The following CELSR1 variants were observed in gnomAD, a reference collection of about 807,000 sequenced individuals.
CELSR1 encodes the protein adhesion G protein-coupled receptor C1.
Under a neutral mutation model 249.1 loss-of-function variants are expected in CELSR1, and 110 were observed. The observed-to-expected ratio is 0.44, with a 90% CI of 0.38 to 0.52. The LOEUF (loss-of-function observed/expected upper bound fraction) is 0.52, where lower values mean the gene tolerates loss of function less well. Ranked by LOEUF, CELSR1 falls within the 20% of genes least tolerant of loss-of-function variation. The pLI is 0.00. For synonymous variants in CELSR1, 2,113 were observed against 1,900.0 expected, an observed-to-expected ratio of 1.11 and a Z score of -2.92; for missense variants, 4,109 against 4,296.4, an observed-to-expected ratio of 0.96 and a Z score of 1.22.
In CELSR1 at chr22:46,534,087, T is replaced by G. The variant is rs1247570030; in HGVS notation, c.3084A>C (p.Glu1028Asp). The G allele has an allele frequency of 1.9e-6, 3 of 1,613,744 alleles. No individual in the cohort carries two copies. The highest frequency in any genetic ancestry group is 2.5e-6 in the Non-Finnish European group (3 of 1,180,034). Residue 1028 changes from glutamate to aspartate, a missense_variant, in exon 1 of 35, where the codon GAA becomes GAC. Transcript: ENST00000674500. This position sits in a 1 kb window ranked among gnomAD's most constrained non-coding sequence, Gnocchi z 9.7. ...GATACATGATCTGGGCATTAGGGCC[T>G]TCATCAGGGTCGTTAGCACGAATCT... ...VAKIRANDPD[E>D]GPNAQIMYQI...
intron 1 of CELSR1, among the ~76,000 whole-genome samples, chr22:46,513,231 G>A (rs977866530): frequency 1.3e-5 from 2 of 152,156 alleles, no homozygotes; most frequent in East Asian, 1.9e-4. Flanking sequence ...AAGGAAAGGC[G>A]GTATCCAACT....
In CELSR1 at chr22:46,536,621, G is replaced by A. The variant is rs1262421641; in HGVS notation, c.550C>T (p.Leu184=). 3 of 1,172,532 alleles carry A rather than the reference G, an allele frequency of 2.6e-6. No individual in the cohort carries two copies. The highest frequency in any genetic ancestry group is 2.1e-6 in the Non-Finnish European group (2 of 952,076). 72.6% of individuals were successfully genotyped at this position (1,172,532 alleles called of 1,614,324 possible). A position where few individuals can be genotyped will look rare whatever the true frequency, so the allele number is the denominator to read the frequency against. Residue 184 remains leucine (L), a synonymous_variant, in exon 1 of 35, where the codon CTG becomes TTG. Coordinates refer to ENST00000674500, the MANE Select transcript of CELSR1 (RefSeq NM_001378328.1). ...PPGGSVRLRL[L]CALRRAAGAV... ...CCAGCCGCGCGCCGCAGGGCGCACAGCAGACGCAGGCGGACCGAGCCGCCC... is the reference window on the plus strand; with the variant it reads ...CCAGCCGCGCGCCGCAGGGCGCACAACAGACGCAGGCGGACCGAGCCGCCC...
chr22:46,529,413 C>T (rs2080770282), intron 1 of CELSR1, among the ~76,000 whole-genome samples: 1 of 152,002 alleles, frequency 6.6e-6, no homozygotes, highest in South Asian at 2.1e-4. Flanking sequence ...AGCAATTGAA[C>T]TCATGGGGAC....
chr22:46,475,343 T>A (rs1015289134), intron 1 of CELSR1, among the ~76,000 whole-genome samples: 2 of 152,004 alleles, frequency 1.3e-5, no homozygotes, highest in African/African-American at 4.8e-5. Context: ...CTTGAAGACA[T>A]CACACTGAGT....
chr22:46,381,234 A>G lies in CELSR1; in HGVS notation c.7089-279T>C, dbSNP rs2078974654. ...CACAGGTGCAAAGATGTCACAGCCC[A>G]TAATAGCTAATGGCAGAATCACAGG... is the stretch of plus-strand genomic sequence containing the variant. On this transcript the variant is annotated intron_variant, in intron 21 of 34. Transcript: ENST00000674500. This position sits in a 1 kb window ranked among gnomAD's most constrained non-coding sequence, Gnocchi z 6.0. 6.6e-6 allele frequency among the ~76,000 whole-genome samples: 1 copy of G among 152,210 alleles called. No individual in the cohort carries two copies. Among genetic ancestry groups the G allele is most frequent in the Admixed American group, 6.5e-5 (1 of 15,282 alleles).
intron 5 of CELSR1, among the ~76,000 whole-genome samples, chr22:46,420,159 C>A (rs1569150522): frequency 6.6e-6 from 1 of 151,932 alleles, no homozygotes; most frequent in Non-Finnish European, 1.5e-5. Flanking sequence ...AATGTGCCCT[C>A]ACCCACACGT....
Position 46,384,699 on chromosome 22 carries a change from T to A in CELSR1, c.6740-13A>T, listed in dbSNP as rs1279660035. On this transcript the variant is annotated splice_polypyrimidine_tract_variant and intron_variant, in intron 19 of 34. Coordinates refer to ENST00000674500, the MANE Select transcript of CELSR1 (RefSeq NM_001378328.1). The stretch of plus-strand genomic sequence containing the variant: ...TCGACAGCAAGAACTGGGGGGACAG[T>A]TCCTTTAATCAGACATAACTCCCAG... 6.2e-7 allele frequency: 1 copy of A among 1,609,148 alleles called. No homozygotes were observed. Among genetic ancestry groups the A allele is most frequent in the South Asian group, 1.1e-5 (1 of 90,060 alleles).
chr22:46,490,101 C>T lies in CELSR1; in HGVS notation c.3545-25756G>A, dbSNP rs770119920. Among the ~76,000 whole-genome samples the T allele has an allele frequency of 2.0e-5, 3 of 152,134 alleles. No homozygotes were observed. The highest frequency in any genetic ancestry group is 7.2e-5 in the African/African-American group (3 of 41,418). ...CAGTGAGCCGCTTTCTGAGAACCAA[C>T]GTTCCCAAGTGCAAAGTGTACACAT... On this transcript the variant is annotated intron_variant, in intron 1 of 34. Transcript: ENST00000674500. This position sits in a 1 kb window ranked among gnomAD's most constrained non-coding sequence, Gnocchi z 5.2.
At chr22:46,424,098 A>C (rs963389428) in intron 5 of CELSR1, among the ~76,000 whole-genome samples, 2 of 151,842 alleles carry the variant, frequency 1.3e-5, no homozygotes, top group African/African-American at 4.8e-5. Context: ...CAAGAGTCTC[A>C]CTCTTTCGCC....
chr22:46,415,786 C>A (rs1363102663), intron 5 of CELSR1, among the ~76,000 whole-genome samples: 2 of 152,156 alleles, frequency 1.3e-5, no homozygotes, highest in African/African-American at 2.4e-5. Flanking sequence ...TGATAAAACG[C>A]AGTCAGAGAG....
At chr22:46,522,445 T>C (rs1283321802) in intron 1 of CELSR1, among the ~76,000 whole-genome samples, 7 of 152,162 alleles carry the variant, frequency 4.6e-5, no homozygotes, top group African/African-American at 1.7e-4. Flanking sequence ...CTAATGACTC[T>C]GAGCATCTTT....
chr22:46,449,033 C>T (rs1434816231), intron 2 of CELSR1, among the ~76,000 whole-genome samples: 1 of 151,850 alleles, frequency 6.6e-6, no homozygotes, highest in Non-Finnish European at 1.5e-5. Context: ...CTTCCATATA[C>T]CCACCCACTC....
At chr22:46,479,500 G>T (rs2080244729) in intron 1 of CELSR1, among the ~76,000 whole-genome samples, 2 of 151,964 alleles carry the variant, frequency 1.3e-5, no homozygotes, top group African/African-American at 4.8e-5. Context: ...CTGCAGCCAT[G>T]TCCCCCACAA....
chr22:46,416,312 C>A (rs918706132), intron 5 of CELSR1, among the ~76,000 whole-genome samples: 1 of 152,242 alleles, frequency 6.6e-6, no homozygotes. Flanking sequence ...GAGGCCCCAG[C>A]GCCCCGGCAC....
chr22:46,457,647 G>A (rs989569061), intron 2 of CELSR1, among the ~76,000 whole-genome samples: 1 of 152,258 alleles, frequency 6.6e-6, no homozygotes, highest in Non-Finnish European at 1.5e-5. Flanking sequence ...CGCGGACAGA[G>A]ATGAGGAAGG....
At chr22:46,443,194 G>A (rs11703616) in intron 2 of CELSR1, among the ~76,000 whole-genome samples, 2,875 of 152,236 alleles carry the variant, frequency 0.019, 38 homozygotes, top group Non-Finnish European at 0.029. Context: ...GGCTGAAATC[G>A]CTGACGTTTT....
rs887879664 is a variant in CELSR1 at position 46,490,476 on chromosome 22, G to A, written c.3545-26131C>T. On this transcript the variant is annotated intron_variant, in intron 1 of 34. Coordinates refer to ENST00000674500, the MANE Select transcript of CELSR1 (RefSeq NM_001378328.1). This position sits in a 1 kb window ranked among gnomAD's most constrained non-coding sequence, Gnocchi z 5.2. ...TAATTTTTGTATTTTTAGTAGAGAC[G>A]GGGTTTCACCATGTTGGTCAGGCTG... is the stretch of plus-strand genomic sequence containing the variant. Among the ~76,000 whole-genome samples the A allele has an allele frequency of 5.9e-5, 9 of 151,904 alleles. No homozygotes were observed. The highest frequency in any genetic ancestry group is 1.9e-4 in the African/African-American group (8 of 41,340).
intron 2 of CELSR1, among the ~76,000 whole-genome samples, chr22:46,462,321 AG>A (rs1166077864): frequency 6.6e-6 from 1 of 152,210 alleles, no homozygotes; most frequent in African/African-American, 2.4e-5. Flanking sequence ...CCTGGAGCGC[AG>A]GAAGTCAGAG....
Position 46,367,074 on chromosome 22 carries a change from G to A in CELSR1, c.8124C>T (p.Val2708=), listed in dbSNP as rs1435573138. The A allele has an allele frequency of 1.9e-6, 3 of 1,611,522 alleles. No homozygotes were observed. The highest frequency in any genetic ancestry group is 2.5e-6 in the Non-Finnish European group (3 of 1,179,736). ...LLFHCVLNQE[V]RKHLKGVLGG... ...CGAGCACGCCCTTCAGGTGCTTCCG[G>A]ACCTCCTGGTTGAGCACGCAGTGGA... Residue 2708 remains valine (V), a synonymous_variant, in exon 29 of 35, where the codon GTC becomes GTT. Transcript: ENST00000674500.
Sources: allele counts gnomAD v4.1 joint callset (sites outside exome capture counted in the v4.1 genomes callset), GRCh38; gene constraint gnomAD v4.1.1; non-coding constraint Gnocchi (gnomAD v3.1); transcripts MANE v1.5; gene names NCBI Gene and HGNC (gene_info 2026-07-23, HGNC 2026-07-21).